EYA2: variants seen among roughly 807,000 people sequenced by gnomAD.
EYA2 encodes EYA transcriptional coactivator and phosphatase 2.
In EYA2, 31 loss-of-function variants were observed where a neutral mutation model predicts 69.2. The ratio of observed to expected loss-of-function variants is 0.45; its 90% CI spans 0.34 to 0.60. EYA2 has a LOEUF of 0.60. EYA2 is among the 20% of genes least tolerant of loss of function. The probability of loss-of-function intolerance (pLI) is 0.02; values close to 1 mark genes in which losing one functional copy is unlikely to be tolerated. For missense variants in EYA2, 622 were observed against 701.2 expected (o/e 0.89, Z 1.28); for synonymous variants, 257 against 279.4 (o/e 0.92, Z 0.80).
At chr20:46,936,362 T>A (rs529351023) in intron 1 of EYA2, among the ~76,000 whole-genome samples, 1 of 152,178 alleles carries the variant, frequency 6.6e-6, no homozygotes, top group Non-Finnish European at 1.5e-5. Flanking sequence ...TCCCAGCTAC[T>A]CGGAAGGCTG....
At chr20:47,034,836 T>C (rs1984609727) in intron 5 of EYA2, among the ~76,000 whole-genome samples, 1 of 152,120 alleles carries the variant, frequency 6.6e-6, no homozygotes, top group Non-Finnish European at 1.5e-5. Flanking sequence ...CCCATGCCTC[T>C]CTCCTGGCTT....
intron 1 of EYA2, among the ~76,000 whole-genome samples, chr20:46,908,870 CTTTTTTTTTTTTTT>C (rs56834738): frequency 0.066 from 3,137 of 47,558 alleles, 135 homozygotes; most frequent in African/African-American, 0.16. Context: ...CTCTCCCGCA[CTTTTTTTTTTTTTT>C]TTTTTTTTTT....
intron 7 of EYA2, among the ~76,000 whole-genome samples, chr20:47,078,779 A>G (rs1390608882): frequency 6.6e-6 from 1 of 152,270 alleles, no homozygotes; most frequent in Non-Finnish European, 1.5e-5. Flanking sequence ...TTTAACTTCT[A>G]AGATCAACTT....
At chr20:47,056,261 A>G (rs2030603712) in intron 5 of EYA2, among the ~76,000 whole-genome samples, 1 of 152,274 alleles carries the variant, frequency 6.6e-6, no homozygotes, top group Non-Finnish European at 1.5e-5. Context: ...AGCAAGGCAG[A>G]TGTGGACCAG....
At chr20:46,971,397 CA>C (rs1980137910) in intron 1 of EYA2, among the ~76,000 whole-genome samples, 1 of 152,142 alleles carries the variant, frequency 6.6e-6, no homozygotes, top group Non-Finnish European at 1.5e-5. Context: ...ACGTTCTATC[CA>C]ATAGGAATGG....
At chr20:47,005,876 C>T (rs1982680245) in intron 4 of EYA2, among the ~76,000 whole-genome samples, 1 of 152,224 alleles carries the variant, frequency 6.6e-6, no homozygotes, top group Non-Finnish European at 1.5e-5. Context: ...ATTCCCTCGC[C>T]TCCTAGCTGA....
chr20:47,150,017 G>A (rs1458268948), intron 10 of EYA2, among the ~76,000 whole-genome samples: 2 of 152,206 alleles, frequency 1.3e-5, no homozygotes, highest in Non-Finnish European at 2.9e-5. Flanking sequence ...CCTGAGTGAG[G>A]TGCTGTCCCT....
chr20:47,161,849 T>C (rs2034074498), intron 10 of EYA2: 1 of 153,172 alleles, frequency 6.5e-6, no homozygotes, highest in African/African-American at 2.4e-5. Context: ...TGAAAGGAGA[T>C]GGGTCCGGGT....
Position 47,172,861 on chromosome 20 carries a change from G to T in EYA2, c.1192G>T (p.Val398Phe). 1 of 1,611,490 alleles carries T rather than the reference G, an allele frequency of 6.2e-7. No homozygotes were observed. Among genetic ancestry groups the T allele is most frequent in the Non-Finnish European group, 8.5e-7 (1 of 1,178,682 alleles). ...KEMYNTYKNN[V>F]GGLIGTPKRE... Reference sequence around the variant, plus strand: ...GATGTACAATACCTACAAGAACAACGTTGGTGGTGAGTACTGTGAGCCTTG... The same window carrying T: ...GATGTACAATACCTACAAGAACAACTTTGGTGGTGAGTACTGTGAGCCTTG... The change falls in exon 12 of 16, where the codon GTT (valine) becomes TTT (phenylalanine). Residue 398 changes from valine (V) to phenylalanine (F), a missense_variant. By Grantham distance (50) the Val-to-Phe change is conservative (BLOSUM62 -1). Coordinates refer to ENST00000327619, the MANE Select transcript of EYA2 (RefSeq NM_005244.5).
chr20:47,187,373 A>C (rs192413520), intron 15 of EYA2, among the ~76,000 whole-genome samples: 3 of 152,072 alleles, frequency 2.0e-5, no homozygotes, highest in Non-Finnish European at 4.4e-5. Context: ...AAGAAAAAAA[A>C]AACTCCACAT....
chr20:47,179,248 AGGTG>A (rs2034483880), intron 12 of EYA2, among the ~76,000 whole-genome samples: 1 of 122,090 alleles, frequency 8.2e-6, no homozygotes, highest in African/African-American at 3.0e-5. Flanking sequence ...TTGGGTGGAT[AGGTG>A]GGTGGGTAGA....
intron 1 of EYA2, among the ~76,000 whole-genome samples, chr20:46,944,736 T>C (rs1276516596): frequency 6.6e-6 from 1 of 152,180 alleles, no homozygotes; most frequent in Non-Finnish European, 1.5e-5. Context: ...CAAGAACAGG[T>C]ATCCAGTAAA....
intron 4 of EYA2, among the ~76,000 whole-genome samples, chr20:47,014,537 T>C (rs1983283391): frequency 6.6e-6 from 1 of 151,962 alleles, no homozygotes; most frequent in South Asian, 2.1e-4. Context: ...TTCAGCAACA[T>C]CCAAGAAGAT....
intron 5 of EYA2, among the ~76,000 whole-genome samples, chr20:47,034,491 T>C (rs6066175): frequency 0.68 from 103,367 of 152,056 alleles, 36,866 homozygotes; most frequent in Non-Finnish European, 0.8. Flanking sequence ...TGCATAAGTG[T>C]GCAAGTGGAG....
chr20:47,152,560 C>T (rs183559427), intron 10 of EYA2, among the ~76,000 whole-genome samples: 134 of 151,802 alleles, frequency 8.8e-4, no homozygotes, highest in African/African-American at 3.2e-3. Flanking sequence ...GCCAGTAATC[C>T]CAGCACTTTG....
chr20:46,943,670 G>A (rs947097235), intron 1 of EYA2, among the ~76,000 whole-genome samples: 5 of 152,136 alleles, frequency 3.3e-5, no homozygotes, highest in Admixed American at 6.5e-5. Context: ...TTTCAAGCAC[G>A]ACATATACCC....
At chr20:47,001,580 T>A in intron 3 of EYA2, 107 bp downstream of exon 3, 1 of 1,180,426 alleles carries the variant, frequency 8.5e-7, no homozygotes. Flanking sequence ...TGGATAGGAA[T>A]CCCAGCCGTA....
At chr20:47,069,378 C>T (rs376022558) in intron 5 of EYA2, among the ~76,000 whole-genome samples, 1 of 151,956 alleles carries the variant, frequency 6.6e-6, no homozygotes, top group East Asian at 1.9e-4. Context: ...ACCTGTAATC[C>T]CTTGGGAGGC....
intron 1 of EYA2, among the ~76,000 whole-genome samples, chr20:46,972,143 G>A (rs1466633276): frequency 6.6e-6 from 1 of 152,142 alleles, no homozygotes; most frequent in Admixed American, 6.5e-5. Flanking sequence ...AGGTGGAAGA[G>A]GATTTGTTGC....
Sources: allele counts gnomAD v4.1 joint callset (sites outside exome capture counted in the v4.1 genomes callset), GRCh38; gene constraint gnomAD v4.1.1; transcripts MANE v1.5; gene names NCBI Gene and HGNC (gene_info 2026-07-23, HGNC 2026-07-21).